EFCAB5: variants seen among roughly 807,000 people sequenced by gnomAD.
EFCAB5 encodes the protein EF-hand calcium-binding domain-containing protein 5.
A neutral mutation model predicts 167.9 loss-of-function variants in EFCAB5; 131 were observed. That is an observed-to-expected ratio of 0.78 (90% CI 0.68 to 0.90). The LOEUF (loss-of-function observed/expected upper bound fraction) is 0.90, where lower values mean the gene tolerates loss of function less well. Ranked by LOEUF, EFCAB5 falls within the 40% of genes least tolerant of loss-of-function variation. The pLI, the probability that EFCAB5 is intolerant of heterozygous loss-of-function variation, is 0.00. For synonymous variants in EFCAB5, 574 were observed against 602.8 expected, an observed-to-expected ratio of 0.95 and a Z score of 0.70; for missense variants, 1,663 against 1,745.2, an observed-to-expected ratio of 0.95 and a Z score of 0.84.
At chr17:30,055,177 G>A (rs765378100) in intron 10 of EFCAB5, among the ~76,000 whole-genome samples, 2 of 151,994 alleles carry the variant, frequency 1.3e-5, no homozygotes, top group Admixed American at 6.6e-5. Context: ...TTGTAGTCTC[G>A]GCTACGCAGG....
chr17:30,040,585 TTGTAC>T (rs1485948414), intron 8 of EFCAB5, among the ~76,000 whole-genome samples: 6 of 152,240 alleles, frequency 3.9e-5, no homozygotes, highest in African/African-American at 1.4e-4. Context: ...AGGTGCTATG[TTGTAC>T]CATACATCCA....
chr17:30,012,610 T>C (rs533789319), intron 7 of EFCAB5, among the ~76,000 whole-genome samples: 1 of 152,216 alleles, frequency 6.6e-6, no homozygotes, highest in Admixed American at 6.5e-5. Context: ...CCAATAAATA[T>C]CAGTGCAGCC....
intron 22 of EFCAB5, among the ~76,000 whole-genome samples, chr17:30,096,321 A>C (rs2071286072): frequency 5.9e-5 from 9 of 152,208 alleles, no homozygotes; most frequent in Admixed American, 5.9e-4. Context: ...AACTAAATAC[A>C]GTTTTACATG....
intron 3 of EFCAB5, among the ~76,000 whole-genome samples, chr17:29,947,612 C>G (rs1195036590): frequency 3.9e-5 from 6 of 152,104 alleles, no homozygotes; most frequent in Admixed American, 2.6e-4. Context: ...CTTATTCTGT[C>G]TTTCTTATAA....
At chr17:29,973,955 C>T (rs1393367776) in intron 4 of EFCAB5, among the ~76,000 whole-genome samples, 2 of 151,376 alleles carry the variant, frequency 1.3e-5, no homozygotes, top group African/African-American at 2.4e-5. Flanking sequence ...GTCAGGAGTT[C>T]GAGACCTCCC....
chr17:30,026,100 C>A (rs1312007725), intron 7 of EFCAB5, among the ~76,000 whole-genome samples: 2 of 151,690 alleles, frequency 1.3e-5, no homozygotes, highest in African/African-American at 4.8e-5. Context: ...AGCACACCAG[C>A]ATGGCACATG....
rs915749076 is a variant in EFCAB5, at chr17:29,948,377, T to C, written c.190+4728T>C. On this transcript the variant is annotated intron_variant, in intron 3 of 22. Transcript: ENST00000394835. ...AATGTATGGTAGAGAGAAATGTGTTTTGTTTAAATCGATTTATCCCAGTAT... is the reference window on the plus strand; with the variant it reads ...AATGTATGGTAGAGAGAAATGTGTTCTGTTTAAATCGATTTATCCCAGTAT... Among the ~76,000 whole-genome samples the C allele has an allele frequency of 2.0e-5, 3 of 152,214 alleles. 1 individual carries two copies. The highest frequency in any genetic ancestry group is 7.2e-5 in the African/African-American group (3 of 41,454).
At chr17:30,018,187 G>T (rs901656117) in intron 7 of EFCAB5, among the ~76,000 whole-genome samples, 1 of 150,840 alleles carries the variant, frequency 6.6e-6, no homozygotes, top group African/African-American at 2.4e-5. Flanking sequence ...GAAGTCTGAT[G>T]TCAGTGTTTT....
chr17:29,940,470 T>C (rs1022573734), upstream of EFCAB5, among the ~76,000 whole-genome samples: 4 of 152,174 alleles, frequency 2.6e-5, no homozygotes, highest in African/African-American at 9.7e-5. Context: ...TCTTATTGAG[T>C]TGAATTTATC....
At chr17:29,951,598 G>A (rs1015507497) in intron 3 of EFCAB5, among the ~76,000 whole-genome samples, 6 of 151,478 alleles carry the variant, frequency 4.0e-5, no homozygotes, top group Non-Finnish European at 7.4e-5. Flanking sequence ...CTTGTGATCT[G>A]CCCGCCTTGG....
At chr17:30,049,054 A>G (rs1291837041) in intron 8 of EFCAB5, among the ~76,000 whole-genome samples, 2 of 152,054 alleles carry the variant, frequency 1.3e-5, no homozygotes, top group Non-Finnish European at 2.9e-5. Context: ...CCTTGATTGT[A>G]TTGACATCAC....
At chr17:30,038,158 G>A (rs2069675162) in intron 8 of EFCAB5, among the ~76,000 whole-genome samples, 1 of 152,148 alleles carries the variant, frequency 6.6e-6, no homozygotes. Context: ...AAAGCAAACA[G>A]CCTTATTTCT....
intron 22 of EFCAB5, among the ~76,000 whole-genome samples, chr17:30,098,871 C>G (rs535299687): frequency 4.6e-5 from 7 of 152,292 alleles, no homozygotes; most frequent in African/African-American, 1.7e-4. Flanking sequence ...ATGGATTTAC[C>G]TATTCTGGAC....
rs778952610 is a variant in EFCAB5 at position 30,051,218 on chromosome 17, G to A, written c.1300+1G>A. Reference sequence around the variant, plus strand: ...AGTTTACTTCGAAACCCACGACAATGTAAGTGCCGCTCAGAGGGAGTATGT... The same window carrying A: ...AGTTTACTTCGAAACCCACGACAATATAAGTGCCGCTCAGAGGGAGTATGT... On this transcript the variant is annotated splice_donor_variant, in intron 9 of 22. Coordinates refer to ENST00000394835, the MANE Select transcript of EFCAB5 (RefSeq NM_198529.4). LOFTEE classifies it high-confidence loss of function. 2.5e-6 allele frequency: 4 copies of A among 1,613,814 alleles called. No individual in the cohort carries two copies. The East Asian group carries it at 6.7e-5, about 27-fold the overall frequency.
chr17:30,096,673 A>G (rs867836405), intron 22 of EFCAB5, among the ~76,000 whole-genome samples: 1 of 63,520 alleles, frequency 1.6e-5, no homozygotes, highest in African/African-American at 7.5e-5. Context: ...ATATATATAT[A>G]TATATTTTTT....
At chr17:30,097,870 A>G (rs1160219898) in intron 22 of EFCAB5, among the ~76,000 whole-genome samples, 2 of 151,986 alleles carry the variant, frequency 1.3e-5, no homozygotes, top group Non-Finnish European at 2.9e-5. Context: ...CAGGTAATTT[A>G]TTAGTTCTAA....
chr17:30,044,936 GT>G (rs1388169883), intron 8 of EFCAB5, among the ~76,000 whole-genome samples: 5 of 152,160 alleles, frequency 3.3e-5, no homozygotes, highest in African/African-American at 1.2e-4. Flanking sequence ...TAAGCAAATT[GT>G]AGTATATTCA....
intron 22 of EFCAB5, among the ~76,000 whole-genome samples, chr17:30,105,347 C>A (rs1004097723): frequency 1.3e-5 from 2 of 152,028 alleles, no homozygotes; most frequent in Admixed American, 6.6e-5. Context: ...ATTAGCCAGG[C>A]CTGGTGATGG....
intron 22 of EFCAB5, among the ~76,000 whole-genome samples, chr17:30,095,367 C>T (rs1314559034): frequency 6.6e-6 from 1 of 152,158 alleles, no homozygotes; most frequent in Non-Finnish European, 1.5e-5. Flanking sequence ...AGTGCTGTCA[C>T]CATTTATAAA....
Sources: allele counts gnomAD v4.1 joint callset (sites outside exome capture counted in the v4.1 genomes callset), GRCh38; gene constraint gnomAD v4.1.1; transcripts MANE v1.5; gene names NCBI Gene and HGNC (gene_info 2026-07-23, HGNC 2026-07-21).